The following RGS6 variants were observed in gnomAD, a reference collection of about 807,000 sequenced individuals.
RGS6 encodes regulator of G-protein signaling 6.
A neutral mutation model predicts 78.5 loss-of-function variants in RGS6; 30 were observed. That is an observed-to-expected ratio of 0.38 (90% CI 0.29 to 0.52). The LOEUF (loss-of-function observed/expected upper bound fraction) is 0.52. RGS6 is among the 20% of genes least tolerant of loss of function. RGS6 has a pLI of 0.85. For synonymous variants in RGS6, 206 were observed against 206.0 expected (o/e 1.00, Z 0.00); for missense variants, 495 against 609.7 (o/e 0.81, Z 1.98).
At chr14:72,379,598 A>G (rs1374953484) in intron 3 of RGS6, among the ~76,000 whole-genome samples, 1 of 152,134 alleles carries the variant, frequency 6.6e-6, no homozygotes, top group Non-Finnish European at 1.5e-5. Context: ...TTTAAAAAAA[A>G]CCTAGGAATA....
At chr14:72,619,333 G>C in the RGS6 span, 1 of 1,536,128 alleles carries the variant, frequency 6.5e-7, no homozygotes, top group African/African-American at 1.4e-5. Flanking sequence ...CTTTCTCTTT[G>C]AGCAGTTCCC....
chr14:72,118,454 T>C (rs2095962242), intron 2 of RGS6, among the ~76,000 whole-genome samples: 1 of 152,212 alleles, frequency 6.6e-6, no homozygotes, highest in Non-Finnish European at 1.5e-5. Flanking sequence ...TGCTCTTTAC[T>C]CATAGAAGGG....
At chr14:72,174,020 G>A (rs189602277) in intron 2 of RGS6, among the ~76,000 whole-genome samples, 5 of 152,094 alleles carry the variant, frequency 3.3e-5, no homozygotes, top group African/African-American at 7.2e-5. Context: ...GCGGTAAGGG[G>A]GCAAGAAGCT....
chr14:72,053,061 C>CACCCTCCCT (rs1567107146), intron 2 of RGS6, among the ~76,000 whole-genome samples: 1 of 15,610 alleles, frequency 6.4e-5, no homozygotes, highest in African/African-American at 3.8e-4. Flanking sequence ...CCCTCCCTCC[C>CACCCTCCCT]TCCCTCCCTC....
chr14:71,939,966 G>A lies in RGS6; in HGVS notation c.-21+7025G>A, dbSNP rs77534777. On this transcript the variant is annotated intron_variant, in intron 1 of 17. Coordinates refer to ENST00000553525, the MANE Select transcript of RGS6 (RefSeq NM_001204424.2). Reference sequence around the variant, plus strand: ...GCCGTCACCCTACTAGTCAGCCAATGTGGGGGTTCTGCCAGCTGCTAAGTA... The same window carrying A: ...GCCGTCACCCTACTAGTCAGCCAATATGGGGGTTCTGCCAGCTGCTAAGTA... Among the ~76,000 whole-genome samples, 357 of 152,330 alleles carry A rather than the reference G, an allele frequency of 2.3e-3. 12 individuals carry two copies. In the East Asian group the frequency reaches 0.054, roughly 23 times the overall value.
intron 3 of RGS6, among the ~76,000 whole-genome samples, chr14:72,362,270 G>A (rs2081598651): frequency 6.6e-6 from 1 of 152,198 alleles, no homozygotes; most frequent in Non-Finnish European, 1.5e-5. Context: ...ACAAAATGCT[G>A]TTTGAGTCCA....
At chr14:72,006,061 A>C (rs1361273159) in intron 2 of RGS6, among the ~76,000 whole-genome samples, 1 of 152,146 alleles carries the variant, frequency 6.6e-6, no homozygotes, top group East Asian at 1.9e-4. Context: ...TTTACCAAGC[A>C]GGTAGGACAT....
chr14:72,465,844 G>A (rs778650438), intron 7 of RGS6, 22 bp downstream of exon 7: 1 of 1,594,348 alleles, frequency 6.3e-7, no homozygotes. Context: ...TATTTTCCAG[G>A]ATACATATAA....
chr14:72,547,227 C>A (rs1310864159), intron 17 of RGS6: 7 of 1,535,496 alleles, frequency 4.6e-6, no homozygotes. Context: ...AAAGAGCATC[C>A]AATGGCAGGA....
rs141283571 is a variant in RGS6, at chr14:72,474,498, G to GA, written c.619-127_619-126insA. 0.15 allele frequency: 123,910 copies of GA among 842,382 alleles called. 7,952 individuals carry two copies. Among genetic ancestry groups the GA allele is most frequent in the Middle Eastern group, 0.21 (790 of 3,794 alleles). The allele number at this position is 842,382 out of a possible 1,614,324, so 52.2% of individuals were successfully genotyped here. ...AGAGGAATGCATATTATGGCAAAAT[G>GA]GAAAAAAAAATCATGCATTGTCTGT... On this transcript the variant is annotated intron_variant, in intron 9 of 17. Coordinates refer to ENST00000553525, the MANE Select transcript of RGS6 (RefSeq NM_001204424.2).
At chr14:72,292,203 GT>G (rs2063711116) in intron 2 of RGS6, among the ~76,000 whole-genome samples, 1 of 152,188 alleles carries the variant, frequency 6.6e-6, no homozygotes, top group African/African-American at 2.4e-5. Context: ...TAAGCTACAT[GT>G]TTGAGTCACA....
At chr14:72,225,302 A>T (rs887568688) in intron 2 of RGS6, among the ~76,000 whole-genome samples, 3 of 152,102 alleles carry the variant, frequency 2.0e-5, no homozygotes, top group Non-Finnish European at 2.9e-5. Flanking sequence ...TTAGATTTTT[A>T]AAAAAACATT....
intron 15 of RGS6, among the ~76,000 whole-genome samples, chr14:72,535,493 A>C (rs2097237849): frequency 6.6e-6 from 1 of 152,248 alleles, no homozygotes; most frequent in Non-Finnish European, 1.5e-5. Flanking sequence ...GCAAAACTAT[A>C]GTACCATATC....
At chr14:72,358,204 G>A (rs937244016) in intron 3 of RGS6, among the ~76,000 whole-genome samples, 11 of 152,196 alleles carry the variant, frequency 7.2e-5, no homozygotes, top group African/African-American at 2.4e-4. Context: ...GTGCTGCAGG[G>A]GCAGAGCCCT....
At chr14:71,898,011 C>CT in the RGS6 span, among the ~76,000 whole-genome samples, 690 of 139,450 alleles carry the variant, frequency 4.9e-3, 6 homozygotes, top group African/African-American at 0.016. Context: ...TTTTTATTTC[C>CT]TTTTTTTTTT....
the RGS6 span, among the ~76,000 whole-genome samples, chr14:71,872,975 C>T: frequency 6.6e-6 from 1 of 152,284 alleles, no homozygotes; most frequent in South Asian, 2.1e-4. Context: ...ATGAACTCAA[C>T]CTTTTTTATG....
At chr14:72,306,610 A>G (rs1228041197) in intron 2 of RGS6, among the ~76,000 whole-genome samples, 1 of 152,208 alleles carries the variant, frequency 6.6e-6, no homozygotes, top group Non-Finnish European at 1.5e-5. Flanking sequence ...ACCTTCATGG[A>G]TGACTTTGGA....
At chr14:72,542,582 A>G (rs1287354867) in intron 17 of RGS6, among the ~76,000 whole-genome samples, 4 of 152,254 alleles carry the variant, frequency 2.6e-5, no homozygotes, top group Non-Finnish European at 4.4e-5. Flanking sequence ...GGGGCTAATA[A>G]TGGAAACAGG....
intron 3 of RGS6, among the ~76,000 whole-genome samples, chr14:72,416,275 A>G (rs2877796): frequency 0.47 from 71,260 of 151,976 alleles, 17,460 homozygotes; most frequent in East Asian, 0.62. Flanking sequence ...ACACAATTTC[A>G]AGGAACATTG....
Sources: allele counts gnomAD v4.1 joint callset (sites outside exome capture counted in the v4.1 genomes callset), GRCh38; gene constraint gnomAD v4.1.1; transcripts MANE v1.5; gene names NCBI Gene and HGNC (gene_info 2026-07-23, HGNC 2026-07-21).